The following PPHLN1 variants were observed in gnomAD, a reference collection of about 807,000 sequenced individuals.
PPHLN1 encodes periphilin 1, also known as periphilin-1.
In PPHLN1, 29 loss-of-function variants were observed where a neutral mutation model predicts 51.3. The ratio of observed to expected loss-of-function variants is 0.57; its 90% confidence interval spans 0.42 to 0.77. The LOEUF is 0.77. Among genes scored for constraint, PPHLN1 ranks in the 30% least tolerant of loss-of-function variants. The pLI, the probability that PPHLN1 is intolerant of heterozygous loss-of-function variation, is 0.00. For synonymous variants in PPHLN1, 147 were observed against 147.8 expected, an observed-to-expected ratio of 0.99 and a Z score of 0.04; for missense variants, 436 against 438.4, an observed-to-expected ratio of 0.99 and a Z score of 0.05.
intron 2 of PPHLN1, among the ~76,000 whole-genome samples, chr12:42,343,283 ATAT>A (rs1316862546): frequency 6.6e-6 from 1 of 152,132 alleles, no homozygotes; most frequent in East Asian, 1.9e-4. Context: ...TATGCCCCAC[ATAT>A]TATTATTGTT....
chr12:42,360,110 CA>C (rs10643805), intron 4 of PPHLN1, among the ~76,000 whole-genome samples: 10,560 of 123,042 alleles, frequency 0.086, 704 homozygotes, highest in Non-Finnish European at 0.11. Flanking sequence ...GACTCCATCT[CA>C]AAAAAAAAAA....
At chr12:42,397,140 T>C (rs1307157353) in intron 8 of PPHLN1, among the ~76,000 whole-genome samples, 1 of 152,198 alleles carries the variant, frequency 6.6e-6, no homozygotes, top group African/African-American at 2.4e-5. Context: ...GGTGTTATTT[T>C]TGGCTTCAAT....
At chr12:42,440,692 G>A (rs1331626932) in intron 9 of PPHLN1, among the ~76,000 whole-genome samples, 1 of 152,220 alleles carries the variant, frequency 6.6e-6, no homozygotes, top group South Asian at 2.1e-4. Context: ...TCTAGAGGCC[G>A]CCACCTTCCC....
At chr12:42,397,545 G>T (rs185816409) in intron 8 of PPHLN1, among the ~76,000 whole-genome samples, 1 of 129,308 alleles carries the variant, frequency 7.7e-6, no homozygotes, top group Non-Finnish European at 1.7e-5. Context: ...TACACATTGT[G>T]TATAGGCCTA....
chr12:42,365,447 C>T (rs1389360864), intron 4 of PPHLN1, among the ~76,000 whole-genome samples: 1 of 152,070 alleles, frequency 6.6e-6, no homozygotes, highest in African/African-American at 2.4e-5. Flanking sequence ...CCCACTTTGT[C>T]GAATTTTACT....
chr12:42,431,914 C>A, intron 9 of PPHLN1: 1 of 1,580,552 alleles, frequency 6.3e-7, no homozygotes, highest in Non-Finnish European at 8.7e-7. Flanking sequence ...ATCAGTCCTT[C>A]GTCTACGAGA....
At chr12:42,387,783 A>G (rs2077314785) in intron 7 of PPHLN1, among the ~76,000 whole-genome samples, 1 of 152,038 alleles carries the variant, frequency 6.6e-6, no homozygotes, top group African/African-American at 2.4e-5. Flanking sequence ...GACATAAGAA[A>G]CTCCATTTTG....
chr12:42,390,185 C>G (rs1565912243), intron 7 of PPHLN1, among the ~76,000 whole-genome samples: 2 of 152,154 alleles, frequency 1.3e-5, no homozygotes, highest in African/African-American at 4.8e-5. Context: ...GCAGCTGCTT[C>G]CCTGCCTCAG....
chr12:42,361,457 A>C (rs796282748), intron 4 of PPHLN1: 10 of 152,352 alleles, frequency 6.6e-5, no homozygotes, highest in African/African-American at 2.4e-4. Flanking sequence ...ATTGTAAGGA[A>C]GAACATTCTC....
intron 5 of PPHLN1, among the ~76,000 whole-genome samples, chr12:42,383,271 A>G (rs2076912009): frequency 6.6e-6 from 1 of 151,444 alleles, no homozygotes; most frequent in African/African-American, 2.4e-5. Context: ...GTAGATTCTC[A>G]TCATAGTTCA....
rs552454020 is a variant in PPHLN1 at position 42,390,876 on chromosome 12, G to T, written c.649-2694G>T. ...AGATGGGGTCTTGCTATGTTGCCCA[G>T]CCTGGTTTCAAACTCCTGGTCTCAA... On this transcript the variant is annotated intron_variant, in intron 7 of 9. Transcript: ENST00000358314. Among the ~76,000 whole-genome samples the T allele has an allele frequency of 2.1e-5, 3 of 142,560 alleles. No individual in the cohort carries two copies. In the South Asian group the frequency reaches 6.7e-4, roughly 32 times the overall value. 93.5% of individuals were successfully genotyped at this position (142,560 alleles called of 152,430 possible). A position where few individuals can be genotyped will look rare whatever the true frequency, so the allele number is the denominator to read the frequency against.
intron 2 of PPHLN1, chr12:42,351,578 T>C (rs1447995251): frequency 5.7e-6 from 1 of 176,112 alleles, no homozygotes; most frequent in Non-Finnish European, 1.2e-5. Flanking sequence ...AGAGCTACTG[T>C]AACATTCTGT....
chr12:42,354,343 C>T (rs151010240), intron 3 of PPHLN1, among the ~76,000 whole-genome samples: 3,531 of 152,180 alleles, frequency 0.023, 143 homozygotes, highest in African/African-American at 0.081. Context: ...CTCAGCCTCC[C>T]GAGTAACTGG....
intron 2 of PPHLN1, among the ~76,000 whole-genome samples, chr12:42,346,083 G>T (rs992962792): frequency 5.3e-5 from 8 of 152,188 alleles, no homozygotes; most frequent in African/African-American, 1.9e-4. Context: ...ACCTTTTTGT[G>T]TGATAAGAAC....
At chr12:42,350,512 C>T (rs1174820688) in intron 2 of PPHLN1, among the ~76,000 whole-genome samples, 2 of 151,796 alleles carry the variant, frequency 1.3e-5, no homozygotes, top group Non-Finnish European at 2.9e-5. Flanking sequence ...CTCCTCACAT[C>T]CCAGAAGATG....
intron 1 of PPHLN1, among the ~76,000 whole-genome samples, chr12:42,327,119 A>C (rs1310340456): frequency 6.6e-6 from 1 of 152,206 alleles, no homozygotes; most frequent in African/African-American, 2.4e-5. Flanking sequence ...GTTACCGCCC[A>C]AGATGTAAGC....
At chr12:42,388,011 C>T (rs529163021) in intron 7 of PPHLN1, among the ~76,000 whole-genome samples, 25 of 152,334 alleles carry the variant, frequency 1.6e-4, no homozygotes, top group African/African-American at 5.5e-4. Flanking sequence ...CAATGCACTG[C>T]GGAACGCCGC....
intron 4 of PPHLN1, among the ~76,000 whole-genome samples, chr12:42,372,849 AAATTT>A (rs2075927475): frequency 6.6e-6 from 1 of 152,186 alleles, no homozygotes; most frequent in Non-Finnish European, 1.5e-5. Context: ...CTCATTTCTT[AAATTT>A]ATTTTTCTCA....
downstream of PPHLN1, chr12:42,443,076 T>G: frequency 1.2e-4 from 23 of 196,010 alleles, no homozygotes; most frequent in South Asian, 5.5e-4. Flanking sequence ...TACTTTGGCC[T>G]TGCTCTACAC....
Sources: gnomAD v4.1 joint callset for allele counts (sites outside exome capture counted in the v4.1 genomes callset) on GRCh38, gnomAD v4.1.1 for gene constraint, MANE v1.5 for transcripts, NCBI Gene and HGNC (gene_info 2026-07-23, HGNC 2026-07-21) for gene names.